Variants in ITGA2 observed in about 807,000 individuals in gnomAD.
ITGA2 encodes integrin alpha-2.
A neutral mutation model predicts 146.3 loss-of-function variants in ITGA2; 101 were observed. The ratio of observed to expected loss-of-function variants is 0.69; its 90% CI spans 0.59 to 0.81. The LOEUF is 0.81. ITGA2 is among the 40% of genes least tolerant of loss of function. The probability of loss-of-function intolerance (pLI) is 0.00; values close to 1 mark genes in which losing one functional copy is unlikely to be tolerated. For missense variants in ITGA2, 1,281 were observed against 1,402.7 expected (o/e 0.91, Z 1.39); for synonymous variants, 477 against 487.1 (o/e 0.98, Z 0.27).
chr5:53,026,383 A>T (rs1742944797), intron 1 of ITGA2, among the ~76,000 whole-genome samples: 1 of 152,146 alleles, frequency 6.6e-6, no homozygotes. Flanking sequence ...ATACTTAGAG[A>T]TAATTTAGTT....
intron 1 of ITGA2, among the ~76,000 whole-genome samples, chr5:53,013,664 G>A (rs1270412539): frequency 1.3e-5 from 2 of 151,996 alleles, no homozygotes; most frequent in Non-Finnish European, 2.9e-5. Flanking sequence ...AGTTTGATAG[G>A]AATAGCATTG....
rs1393273763 is a variant in ITGA2 at position 53,092,408 on chromosome 5, C to T, written c.*1809C>T. 2 of 152,130 alleles carry T rather than the reference C, an allele frequency of 1.3e-5. No homozygotes were observed. Among genetic ancestry groups the T allele is most frequent in the African/African-American group, 4.8e-5 (2 of 41,432 alleles). 9.4% of individuals were successfully genotyped at this position (152,130 alleles called of 1,614,324 possible). A position where few individuals can be genotyped will look rare whatever the true frequency, so the allele number is the denominator to read the frequency against. ...ATCTGCCCATGTGCATATGGACAACCTTGACTACCCTGGCCTGGCCCGTGG... is the reference window on the plus strand; with the variant it reads ...ATCTGCCCATGTGCATATGGACAACTTTGACTACCCTGGCCTGGCCCGTGG... On this transcript the variant is annotated 3_prime_UTR_variant, in exon 30 of 30. Coordinates refer to ENST00000296585, the MANE Select transcript of ITGA2 (RefSeq NM_002203.4).
intron 7 of ITGA2, 54 bp downstream of exon 7, chr5:53,051,613 A>G: frequency 6.5e-7 from 1 of 1,528,140 alleles, no homozygotes; most frequent in South Asian, 1.1e-5. Context: ...CATTATATTT[A>G]TGTAATAAAT....
rs753542284 is a variant in ITGA2 at position 53,094,395 on chromosome 5, T to G, written c.*3796T>G. The stretch of plus-strand genomic sequence containing the variant: ...TATGTACCTGTTTATTTTGGCAGAT[T>G]AAGTCAAAATATGAATGTATATATT... On this transcript the variant is annotated 3_prime_UTR_variant, in exon 30 of 30. Coordinates refer to ENST00000296585, the MANE Select transcript of ITGA2 (RefSeq NM_002203.4). 1.3e-5 allele frequency: 2 copies of G among 152,200 alleles called. No homozygotes were observed. Among genetic ancestry groups the G allele is most frequent in the African/African-American group, 4.8e-5 (2 of 41,464 alleles). The allele number at this position is 152,200 out of a possible 1,614,324, so 9.4% of individuals were successfully genotyped here.
chr5:53,084,868 A>C (rs1255146050), intron 27 of ITGA2, among the ~76,000 whole-genome samples: 2 of 152,232 alleles, frequency 1.3e-5, no homozygotes, highest in African/African-American at 4.8e-5. Flanking sequence ...TTAAGACTAC[A>C]TCACTTTAAC....
At chr5:53,068,713 C>T (rs1467768752) in intron 16 of ITGA2, among the ~76,000 whole-genome samples, 1 of 151,348 alleles carries the variant, frequency 6.6e-6, no homozygotes, top group Non-Finnish European at 1.5e-5. Context: ...CATTGCTTGG[C>T]AATAATAGTA....
intron 1 of ITGA2, among the ~76,000 whole-genome samples, chr5:52,995,257 C>G (rs879731885): frequency 6.6e-6 from 1 of 152,030 alleles, no homozygotes; most frequent in Non-Finnish European, 1.5e-5. Flanking sequence ...TCTTGAAGGG[C>G]CTTGAGCAGG....
intron 1 of ITGA2, among the ~76,000 whole-genome samples, chr5:53,006,064 G>T (rs918968226): frequency 6.6e-6 from 1 of 152,140 alleles, no homozygotes; most frequent in African/African-American, 2.4e-5. Context: ...GCCTGTCGGT[G>T]GGGGCGAGGG....
intron 28 of ITGA2, 42 bp from the exon 29 acceptor site, chr5:53,089,904 T>C (rs1158507148): frequency 8.6e-7 from 1 of 1,162,052 alleles, no homozygotes; most frequent in African/African-American, 1.5e-5. Flanking sequence ...CCCCCCTTTT[T>C]TGTGGTATTA....
At chr5:53,087,828 T>C (rs1176668365) in intron 28 of ITGA2, among the ~76,000 whole-genome samples, 1 of 152,068 alleles carries the variant, frequency 6.6e-6, no homozygotes, top group Non-Finnish European at 1.5e-5. Flanking sequence ...GTGTTAGGAG[T>C]TGAAAGCCAG....
rs3212390 is a variant in ITGA2 at position 52,994,177 on chromosome 5, G to A, written c.64+4645G>A. Among the ~76,000 whole-genome samples the A allele has an allele frequency of 2.2e-3, 342 of 152,312 alleles. 3 individuals carry two copies. Among genetic ancestry groups the A allele is most frequent in the African/African-American group, 8.1e-3 (336 of 41,564 alleles). ...CTTATAAGGTATCTACTTTATGTAA[G>A]GCTGTGTGTTAGGCTCAAGGTGGAA... On this transcript the variant is annotated intron_variant, in intron 1 of 29. Transcript: ENST00000296585.
At chr5:53,068,380 CTGCATAAACAT>C (rs1343953596) in intron 16 of ITGA2, among the ~76,000 whole-genome samples, 1 of 151,886 alleles carries the variant, frequency 6.6e-6, no homozygotes, top group African/African-American at 2.4e-5. Flanking sequence ...AAAACCGTTG[CTGCATAAACAT>C]TGTGGCTAGT....
chr5:52,995,513 A>C (rs1182548336), intron 1 of ITGA2, among the ~76,000 whole-genome samples: 2 of 152,150 alleles, frequency 1.3e-5, no homozygotes, highest in African/African-American at 4.8e-5. Flanking sequence ...AGAGAGAGGG[A>C]GAAGATAAGG....
rs925492220 is a variant in ITGA2, at chr5:53,059,998, A to G, written c.1298A>G (p.His433Arg). The G allele has an allele frequency of 8.1e-6, 13 of 1,612,260 alleles. No individual in the cohort carries two copies. Among genetic ancestry groups the G allele is most frequent in the Non-Finnish European group, 1.1e-5 (13 of 1,178,848 alleles). The change falls in exon 11 of 30, where the codon CAC becomes CGC. Residue 433 changes from histidine (H) to arginine (R), a missense_variant. Around this residue, in one of 3 missense-constraint regions of ITGA2, gnomAD observed 795 missense variants for 841.7 expected, o/e 0.94. Transcript: ENST00000296585. Reference sequence around the variant, plus strand: ...GACCAAATTCTGCAGGACAGAAATCACAGTTCATATTTAGGTAAGGCATGG... The same window carrying G: ...GACCAAATTCTGCAGGACAGAAATCGCAGTTCATATTTAGGTAAGGCATGG... ...AFDQILQDRN[H>R]SSYLGYSVAA...
chr5:52,990,633 A>G (rs1340922867), intron 1 of ITGA2, among the ~76,000 whole-genome samples: 1 of 150,058 alleles, frequency 6.7e-6, no homozygotes, highest in African/African-American at 2.5e-5. Context: ...TGAGACTGAC[A>G]TTCAGCCACT....
At chr5:53,066,169 T>G (rs972437819) in intron 15 of ITGA2, among the ~76,000 whole-genome samples, 192 bp downstream of exon 15, 5 of 151,908 alleles carry the variant, frequency 3.3e-5, no homozygotes, top group African/African-American at 1.2e-4. Context: ...TGCTTACCAT[T>G]AGAAATATAG....
chr5:53,056,232 T>C, intron 9 of ITGA2, 83 bp downstream of exon 9: 3 of 1,214,908 alleles, frequency 2.5e-6, no homozygotes, highest in South Asian at 2.5e-5. Flanking sequence ...TTTACTAATG[T>C]TAACTTGTAT....
chr5:53,081,713 G>C lies in ITGA2; in HGVS notation c.3144+17G>C. The C allele has an allele frequency of 6.6e-7, 1 of 1,509,018 alleles. No individual in the cohort carries two copies. The highest frequency in any genetic ancestry group is 9.2e-7 in the Non-Finnish European group (1 of 1,086,986). The allele number at this position is 1,509,018 out of a possible 1,614,324, so 93.5% of individuals were successfully genotyped here. On this transcript the variant is annotated intron_variant, in intron 26 of 29. Coordinates refer to ENST00000296585, the MANE Select transcript of ITGA2 (RefSeq NM_002203.4). ...AAAGAATTGGTGAGGACAAGTTAAC[G>C]TGTGAAAGCTCCCCTCATTCATTTA...
intron 12 of ITGA2, among the ~76,000 whole-genome samples, chr5:53,062,514 T>G (rs1744945228): frequency 6.6e-6 from 1 of 151,878 alleles, no homozygotes; most frequent in Admixed American, 6.6e-5. Flanking sequence ...TCCTAGACAT[T>G]ACTTCAGAAT....
Sources: gnomAD v4.1 joint callset for allele counts (sites outside exome capture counted in the v4.1 genomes callset) on GRCh38, gnomAD v4.1.1 for gene constraint, gnomAD v4.1.1 regional missense constraint, MANE v1.5 for transcripts, NCBI Gene and HGNC (gene_info 2026-07-23, HGNC 2026-07-21) for gene names.